Variants in TMTC1 observed in about 807,000 individuals in gnomAD.
The protein encoded by TMTC1 is transmembrane O-mannosyltransferase targeting cadherins 1, also known as protein O-mannosyl-transferase TMTC1.
In TMTC1, 73 loss-of-function variants were observed where a neutral mutation model predicts 104.8. That is an observed-to-expected ratio of 0.70 (90% CI 0.58 to 0.85). The LOEUF is 0.85. Among genes scored for constraint, TMTC1 ranks in the 40% least tolerant of loss-of-function variants. The probability of loss-of-function intolerance (pLI) is 0.00; values close to 1 mark genes in which losing one functional copy is unlikely to be tolerated. For synonymous variants in TMTC1, 434 were observed against 428.7 expected (o/e 1.01, Z -0.15); for missense variants, 1,035 against 1,096.1 (o/e 0.94, Z 0.79).
Position 29,584,922 on chromosome 12 carries a change from C to G in TMTC1, c.1251-1348G>C, listed in dbSNP as rs553141543. 2.7e-5 allele frequency among the ~76,000 whole-genome samples: 4 copies of G among 150,688 alleles called. No homozygotes were observed. The South Asian group carries it at 6.3e-4, about 24-fold the overall frequency. ...CATACGTGTGCATGTGTCTTTATAG[C>G]AGCATGATTTATAATCCTTTGGGTA... On this transcript the variant is annotated intron_variant, in intron 7 of 17. Coordinates refer to ENST00000539277, the MANE Select transcript of TMTC1 (RefSeq NM_001193451.2).
intron 1 of TMTC1, among the ~76,000 whole-genome samples, chr12:29,773,280 AG>A (rs1308887888): frequency 6.6e-6 from 1 of 152,110 alleles, no homozygotes; most frequent in Non-Finnish European, 1.5e-5. Flanking sequence ...CTGGCACCAA[AG>A]GGGGTTGTGG....
intron 5 of TMTC1, among the ~76,000 whole-genome samples, chr12:29,696,286 T>C (rs1941421601): frequency 6.6e-6 from 1 of 152,296 alleles, no homozygotes; most frequent in African/African-American, 2.4e-5. Flanking sequence ...AGAAGACTAT[T>C]GCTTTAATGG....
intron 10 of TMTC1, 40 bp from the exon 11 acceptor site, chr12:29,536,357 A>T (rs752223123): frequency 1.2e-4 from 157 of 1,273,116 alleles, no homozygotes; most frequent in Non-Finnish European, 1.7e-4. Context: ...AACATCTTTT[A>T]ATAACACTTT....
At chr12:29,587,557 C>A (rs1946172335) in intron 7 of TMTC1, among the ~76,000 whole-genome samples, 1 of 152,132 alleles carries the variant, frequency 6.6e-6, no homozygotes. Flanking sequence ...TGGTCTTGAA[C>A]TCTTGGGCTA....
intron 11 of TMTC1, among the ~76,000 whole-genome samples, chr12:29,528,118 G>T (rs1944400224): frequency 6.6e-6 from 1 of 152,178 alleles, no homozygotes; most frequent in Non-Finnish European, 1.5e-5. Context: ...CGCCTTCTCT[G>T]GAAGGGTAAT....
chr12:29,784,694 C>T (rs1565835560), upstream of TMTC1: 1 of 152,342 alleles, frequency 6.6e-6, no homozygotes, highest in East Asian at 1.9e-4. Flanking sequence ...TCTTCTGAAA[C>T]ATTTCTTATT....
chr12:29,682,231 A>G (rs1010824616), intron 5 of TMTC1, among the ~76,000 whole-genome samples: 20 of 152,232 alleles, frequency 1.3e-4, no homozygotes, highest in African/African-American at 4.6e-4. Flanking sequence ...AGAACAGCTA[A>G]AATGAAAAAT....
intron 5 of TMTC1, among the ~76,000 whole-genome samples, chr12:29,749,076 G>A (rs1943026540): frequency 1.3e-5 from 2 of 152,154 alleles, no homozygotes; most frequent in South Asian, 4.1e-4. Flanking sequence ...GCCACAGTGG[G>A]AGTATTTACA....
chr12:29,679,465 C>T (rs1176037685), intron 5 of TMTC1, among the ~76,000 whole-genome samples: 1 of 152,006 alleles, frequency 6.6e-6, no homozygotes, highest in Non-Finnish European at 1.5e-5. Flanking sequence ...TCTCTAAAAT[C>T]AGATATAAGA....
intron 7 of TMTC1, among the ~76,000 whole-genome samples, chr12:29,585,022 T>A (rs1565688538): frequency 6.7e-6 from 1 of 149,550 alleles, no homozygotes; most frequent in Non-Finnish European, 1.5e-5. Context: ...CACGCTGACT[T>A]CCACAATGGT....
At chr12:29,722,662 G>A (rs760808887) in intron 5 of TMTC1, among the ~76,000 whole-genome samples, 1 of 152,132 alleles carries the variant, frequency 6.6e-6, no homozygotes, top group Non-Finnish European at 1.5e-5. Flanking sequence ...GCTCATTCCT[G>A]TAATCCCAGC....
chr12:29,568,148 G>C (rs948810196), intron 9 of TMTC1, among the ~76,000 whole-genome samples: 1 of 152,156 alleles, frequency 6.6e-6, no homozygotes. Context: ...TAATCAGAAA[G>C]ATTTTAGTTC....
intron 1 of TMTC1, among the ~76,000 whole-genome samples, chr12:29,773,932 C>T (rs1255667546): frequency 6.6e-6 from 1 of 152,122 alleles, no homozygotes; most frequent in Non-Finnish European, 1.5e-5. Flanking sequence ...AAGAGCTTCT[C>T]GAAGTTGCAG....
At chr12:29,627,064 G>A (rs752826323) in intron 6 of TMTC1, among the ~76,000 whole-genome samples, 26 of 152,096 alleles carry the variant, frequency 1.7e-4, no homozygotes, top group Non-Finnish European at 2.6e-4. Context: ...TTGCGCCATT[G>A]CACTCCAGCC....
chr12:29,602,592 G>A (rs1946597107), intron 7 of TMTC1, among the ~76,000 whole-genome samples: 1 of 152,096 alleles, frequency 6.6e-6, no homozygotes, highest in Admixed American at 6.5e-5. Context: ...GGCAGGCTGT[G>A]ACCCACTACT....
chr12:29,675,725 A>G (rs1480793605), intron 5 of TMTC1, among the ~76,000 whole-genome samples: 2 of 152,132 alleles, frequency 1.3e-5, no homozygotes, highest in Non-Finnish European at 2.9e-5. Context: ...CAACTTGTTA[A>G]TTCTGAAAAC....
At chr12:29,663,571 T>C (rs371772001) in intron 5 of TMTC1, among the ~76,000 whole-genome samples, 1 of 151,886 alleles carries the variant, frequency 6.6e-6, no homozygotes, top group Non-Finnish European at 1.5e-5. Flanking sequence ...GGCTAGAGTG[T>C]AGTGGCGTGA....
intron 6 of TMTC1, among the ~76,000 whole-genome samples, chr12:29,626,935 T>C (rs1314885219): frequency 6.6e-6 from 1 of 152,036 alleles, no homozygotes; most frequent in African/African-American, 2.4e-5. Flanking sequence ...ACCACATCTC[T>C]ACTAAAAATA....
At position 29,742,783 on chromosome 12, in the gene TMTC1, C is replaced by T. The variant is rs78934195; in HGVS notation, c.938+8883G>A. The stretch of plus-strand genomic sequence containing the variant: ...GTTATCATAAGGATTCTATTATCCT[C>T]TTAAACTTTGATGGACTGGCCATCA... On this transcript the variant is annotated intron_variant, in intron 5 of 17. Transcript: ENST00000539277. 5.1e-4 allele frequency among the ~76,000 whole-genome samples: 78 copies of T among 152,298 alleles called. 2 individuals are homozygous for T. In the East Asian group the frequency reaches 0.012, roughly 23 times the overall value.
Sources: allele counts gnomAD v4.1 joint callset (sites outside exome capture counted in the v4.1 genomes callset), GRCh38; gene constraint gnomAD v4.1.1; transcripts MANE v1.5; gene names NCBI Gene and HGNC (gene_info 2026-07-23, HGNC 2026-07-21).